The following ALK variants were observed in gnomAD, a reference collection of about 807,000 sequenced individuals.
The protein encoded by ALK is ALK receptor tyrosine kinase.
In ALK, 74 loss-of-function variants were observed where a neutral mutation model predicts 163.1. That is an observed-to-expected ratio of 0.45 (90% CI 0.38 to 0.55). The LOEUF (loss-of-function observed/expected upper bound fraction) is 0.55. ALK is among the 20% of genes least tolerant of loss of function. The pLI, the probability that ALK is intolerant of heterozygous loss-of-function variation, is 0.00. For synonymous variants in ALK, 960 were observed against 843.2 expected (o/e 1.14, Z -2.40); for missense variants, 2,063 against 2,105.3 (o/e 0.98, Z 0.39).
chr2:29,916,610 T>C (rs1667841443), intron 1 of ALK, among the ~76,000 whole-genome samples: 1 of 152,208 alleles, frequency 6.6e-6, no homozygotes, highest in African/African-American at 2.4e-5. Flanking sequence ...AGGTCAGATA[T>C]ATTGCATTGC....
chr2:29,559,768 CGTGTGTGTGT>C (rs56285031), intron 3 of ALK, among the ~76,000 whole-genome samples: 1 of 143,028 alleles, frequency 7.0e-6, no homozygotes, highest in Non-Finnish European at 1.5e-5. Context: ...GGAGCATGTA[CGTGTGTGTGT>C]GTGTGTGTGT....
In ALK at chr2:29,531,904, G is replaced by A. The variant is rs1673128789; in HGVS notation, c.1154+11C>T. 1 of 1,613,692 alleles carries A rather than the reference G, an allele frequency of 6.2e-7. No individual in the cohort carries two copies. The highest frequency in any genetic ancestry group is 1.7e-5 in the Admixed American group (1 of 60,002). On this transcript the variant is annotated intron_variant, in intron 4 of 28. Transcript: ENST00000389048. ...GTATAAAATCAATTTTGGACATGGA[G>A]AAGTACTTACCCATGCTTCCCTGGA...
At position 29,548,298 on chromosome 2, in the gene ALK, C is replaced by T. The variant is rs1033910166; in HGVS notation, c.953-16182G>A. Among the ~76,000 whole-genome samples, 7 of 152,080 alleles carry T rather than the reference C, an allele frequency of 4.6e-5. No homozygotes were observed. In the East Asian group the frequency reaches 9.7e-4, roughly 21 times the overall value. On this transcript the variant is annotated intron_variant, in intron 3 of 28. Transcript: ENST00000389048. ...ACCGTCCTGGCTAACACGGTGAAACCCTGTCTCTACTAAAAATACAAAAAC... is the reference window on the plus strand; with the variant it reads ...ACCGTCCTGGCTAACACGGTGAAACTCTGTCTCTACTAAAAATACAAAAAC...
intron 3 of ALK, among the ~76,000 whole-genome samples, chr2:29,616,279 G>A (rs1675843982): frequency 1.3e-5 from 2 of 152,214 alleles, no homozygotes; most frequent in Non-Finnish European, 1.5e-5. Context: ...AGGATTAAGG[G>A]AAGGACAGCC....
intron 4 of ALK, among the ~76,000 whole-genome samples, chr2:29,408,835 C>A (rs1488150484): frequency 6.6e-6 from 1 of 152,162 alleles, no homozygotes; most frequent in East Asian, 1.9e-4. Context: ...CAGCTGACAG[C>A]CTCAAGGTCA....
chr2:29,713,272 C>A (rs971416258), intron 2 of ALK, among the ~76,000 whole-genome samples: 1 of 152,120 alleles, frequency 6.6e-6, no homozygotes, highest in Admixed American at 6.5e-5. Context: ...TATTTGATTG[C>A]AAAGACTCTA....
intron 1 of ALK, among the ~76,000 whole-genome samples, chr2:29,849,408 C>T (rs773213209): frequency 3.9e-5 from 6 of 152,178 alleles, no homozygotes; most frequent in Non-Finnish European, 5.9e-5. Context: ...ACCCACAGAG[C>T]TGTGGCAGAA....
At chr2:29,825,519 G>A (rs1263885363) in intron 1 of ALK, among the ~76,000 whole-genome samples, 1 of 152,114 alleles carries the variant, frequency 6.6e-6, no homozygotes, top group Non-Finnish European at 1.5e-5. Context: ...AAGACAACAG[G>A]GCTAGGCCAT....
At chr2:29,437,910 A>G (rs111941908) in intron 4 of ALK, among the ~76,000 whole-genome samples, 3,801 of 152,342 alleles carry the variant, frequency 0.025, 63 homozygotes, top group Middle Eastern at 0.071. Flanking sequence ...ATATTTTGAA[A>G]AGCTTTTATA....
intron 1 of ALK, among the ~76,000 whole-genome samples, chr2:29,821,068 C>T (rs958033293): frequency 1.3e-5 from 2 of 152,270 alleles, no homozygotes; most frequent in Non-Finnish European, 2.9e-5. Context: ...GCTGAAGCCT[C>T]CACTAGAGGA....
intron 5 of ALK, among the ~76,000 whole-genome samples, chr2:29,356,645 A>G (rs1376521640): frequency 6.6e-6 from 1 of 152,150 alleles, no homozygotes. Flanking sequence ...GAAACCTCAA[A>G]CTTGTTCCAC....
At chr2:29,356,352 G>A (rs997705457) in intron 5 of ALK, among the ~76,000 whole-genome samples, 1 of 152,088 alleles carries the variant, frequency 6.6e-6, no homozygotes, top group Non-Finnish European at 1.5e-5. Context: ...TTACTCTATA[G>A]CTTACACGGC....
At chr2:29,815,887 G>T (rs1664883426) in intron 1 of ALK, among the ~76,000 whole-genome samples, 1 of 152,158 alleles carries the variant, frequency 6.6e-6, no homozygotes, top group African/African-American at 2.4e-5. Flanking sequence ...TGAATGTTTA[G>T]TTACCAGCCT....
intron 4 of ALK, among the ~76,000 whole-genome samples, chr2:29,464,794 T>C (rs1392533463): frequency 6.6e-6 from 1 of 151,974 alleles, no homozygotes; most frequent in African/African-American, 2.4e-5. Flanking sequence ...ACAGGACAGC[T>C]CCCCCAACAA....
At chr2:29,681,668 T>A (rs899400516) in intron 3 of ALK, among the ~76,000 whole-genome samples, 2 of 152,130 alleles carry the variant, frequency 1.3e-5, no homozygotes, top group Non-Finnish European at 2.9e-5. Context: ...AGCCTCAGGC[T>A]AGCAGAGTAG....
At chr2:29,508,484 G>A (rs1350761588) in intron 4 of ALK, among the ~76,000 whole-genome samples, 1 of 151,920 alleles carries the variant, frequency 6.6e-6, no homozygotes, top group Non-Finnish European at 1.5e-5. Context: ...CTCATAGGTG[G>A]GAATTGAACA....
At chr2:29,331,488 G>A (rs1170814917) in intron 5 of ALK, among the ~76,000 whole-genome samples, 1 of 152,168 alleles carries the variant, frequency 6.6e-6, no homozygotes, top group African/African-American at 2.4e-5. Flanking sequence ...ACAGGAGAAC[G>A]AGATACAATG....
At chr2:29,362,888 C>A (rs900070252) in intron 5 of ALK, among the ~76,000 whole-genome samples, 3 of 152,124 alleles carry the variant, frequency 2.0e-5, no homozygotes, top group African/African-American at 7.2e-5. Context: ...GAATGAAATG[C>A]AAGGCATATA....
At chr2:29,340,985 G>A (rs1046312029) in intron 5 of ALK, among the ~76,000 whole-genome samples, 1 of 152,188 alleles carries the variant, frequency 6.6e-6, no homozygotes, top group Admixed American at 6.5e-5. Flanking sequence ...AGAACTTAGC[G>A]TGTGTTTCAC....
Sources: allele counts gnomAD v4.1 joint callset (sites outside exome capture counted in the v4.1 genomes callset), GRCh38; gene constraint gnomAD v4.1.1; transcripts MANE v1.5; gene names NCBI Gene and HGNC (gene_info 2026-07-23, HGNC 2026-07-21).